Variants in TMEM169 observed in about 807,000 individuals in gnomAD.
TMEM169 encodes transmembrane protein 169.
TMEM169 carries 18 observed loss-of-function variants against 27.3 expected under a neutral mutation model. The ratio of observed to expected loss-of-function variants is 0.66; its 90% CI spans 0.46 to 0.98. TMEM169 has a LOEUF of 0.98. TMEM169 is among the 50% of genes least tolerant of loss of function. The pLI is 0.00. For synonymous variants in TMEM169, 136 were observed against 142.1 expected (o/e 0.96, Z 0.30); for missense variants, 320 against 368.6 (o/e 0.87, Z 1.08).
intron 1 of TMEM169, among the ~76,000 whole-genome samples, chr2:216,092,038 G>A (rs1035284038): frequency 6.6e-6 from 1 of 152,140 alleles, no homozygotes; most frequent in Non-Finnish European, 1.5e-5. Flanking sequence ...TGTGCCTGAA[G>A]CAAAAATAGC....
intron 1 of TMEM169, among the ~76,000 whole-genome samples, chr2:216,084,618 C>T (rs1426487205): frequency 6.6e-6 from 1 of 152,028 alleles, no homozygotes; most frequent in Non-Finnish European, 1.5e-5. Flanking sequence ...AGGAAACAAG[C>T]TGTTGTGATA....
At chr2:216,095,748 G>T in intron 1 of TMEM169, 90 bp from the exon 2 acceptor site, 1 of 501,146 alleles carries the variant, frequency 2.0e-6, no homozygotes, top group Non-Finnish European at 3.5e-6. Flanking sequence ...GGAGAGGAAG[G>T]CTTCTGCTAA....
chr2:216,093,125 A>AGTGTGTGTGTGT (rs60241289), intron 1 of TMEM169, among the ~76,000 whole-genome samples: 1,789 of 145,876 alleles, frequency 0.012, 39 homozygotes, highest in African/African-American at 0.043. Context: ...GTAATAATGA[A>AGTGTGTGTGTGT]GTGTGTGTGT....
At chr2:216,086,873 A>C (rs1201624289) in intron 1 of TMEM169, among the ~76,000 whole-genome samples, 1 of 152,272 alleles carries the variant, frequency 6.6e-6, no homozygotes, top group Non-Finnish European at 1.5e-5. Flanking sequence ...TGTATGGTTC[A>C]GATGGCAAAT....
chr2:216,096,325 T>C (rs1369068472), intron 2 of TMEM169, 91 bp downstream of exon 2: 1 of 1,403,812 alleles, frequency 7.1e-7, no homozygotes, highest in Non-Finnish European at 9.7e-7. Context: ...CACTGTCCTA[T>C]TTCTTCTTGG....
chr2:216,091,578 A>AAG (rs61019209), intron 1 of TMEM169, among the ~76,000 whole-genome samples: 7,013 of 112,802 alleles, frequency 0.062, 854 homozygotes, highest in East Asian at 0.45. Flanking sequence ...AAAAAAAAAA[A>AAG]AGAGAGAGAC....
In TMEM169 at chr2:216,081,919, A is replaced by C; in HGVS notation, c.-187A>C. 1 of 664,886 alleles carries C rather than the reference A, an allele frequency of 1.5e-6. No homozygotes were observed. The highest frequency in any genetic ancestry group is 2.5e-6 in the Non-Finnish European group (1 of 407,714). 41.2% of individuals were successfully genotyped at this position (664,886 alleles called of 1,614,324 possible). A position where few individuals can be genotyped will look rare whatever the true frequency, so the allele number is the denominator to read the frequency against. ...CGGCAAAGCCGCATCCTCCCGGAGC[A>C]GAACCGCTCCCCGCCGGCTGTCCGC... On this transcript the variant is annotated 5_prime_UTR_variant, in exon 1 of 3. Transcript: ENST00000437356.
In TMEM169 at chr2:216,095,837, G is replaced by T; in HGVS notation, c.-126-1G>T. ...GATGGCTTTGCTTTCCTATCTTTCA[G>T]GTGGAATGCATCCTTGGGACATCTT... On this transcript the variant is annotated splice_acceptor_variant, in intron 1 of 2. Transcript: ENST00000437356. LOFTEE classifies it low-confidence loss of function (5UTR_SPLICE). The T allele has an allele frequency of 8.8e-7, 1 of 1,131,090 alleles. No homozygotes were observed. The highest frequency in any genetic ancestry group is 1.7e-5 in the South Asian group (1 of 59,860). The allele number at this position is 1,131,090 out of a possible 1,614,324, so 70.1% of individuals were successfully genotyped here. A position where few individuals can be genotyped will look rare whatever the true frequency, so the allele number is the denominator to read the frequency against.
Position 216,100,505 on chromosome 2 carries a change from A to G in TMEM169, c.857A>G (p.Lys286Arg), listed in dbSNP as rs1262695875. ...AATATCTCAAGCACTCTCTCCAACA[A>G]GGACCCCATCCAAGAAGTAGAAACC... The part of the protein sequence containing the change: ...SDNISSTLSN[K>R]DPIQEVETST... The change falls in exon 3 of 3, where the codon AAG (lysine) becomes AGG (arginine). Residue 286 changes from lysine (K) to arginine (R), a missense_variant. Lys to Arg is a conservative substitution (Grantham distance 26, BLOSUM62 2). Transcript: ENST00000437356. 2.5e-6 allele frequency: 4 copies of G among 1,614,138 alleles called. No homozygotes were observed. The highest frequency in any genetic ancestry group is 2.2e-5 in the East Asian group (1 of 44,874).
chr2:216,100,287 C>T lies in TMEM169; in HGVS notation c.639C>T (p.Phe213=), dbSNP rs61732363. 0.014 allele frequency: 22,376 copies of T among 1,613,882 alleles called. 274 individuals carry two copies. The highest frequency in any genetic ancestry group is 0.044 in the South Asian group (3,973 of 91,072). The change falls in exon 3 of 3, where the codon TTC becomes TTT. Residue 213 remains phenylalanine, a synonymous_variant. Transcript: ENST00000437356. The part of the protein sequence containing the change: ...KISYCPCLVL[F]YPVLIMAMAS... ...CGTATTGCCCTTGCCTCGTTCTCTT[C>T]TATCCAGTGCTCATCATGGCCATGG...
At chr2:216,098,514 C>T (rs970219266) in intron 2 of TMEM169, among the ~76,000 whole-genome samples, 8 of 152,150 alleles carry the variant, frequency 5.3e-5, no homozygotes, top group African/African-American at 1.7e-4. Flanking sequence ...GGAGACTGCA[C>T]ATTCCTTTTC....
chr2:216,083,285 G>A (rs1466262952), intron 1 of TMEM169, among the ~76,000 whole-genome samples: 3 of 152,136 alleles, frequency 2.0e-5, no homozygotes, highest in Admixed American at 2.0e-4. Context: ...TTAAAACAAA[G>A]TAAATTCAAA....
chr2:216,088,916 A>G (rs1228627706), intron 1 of TMEM169, among the ~76,000 whole-genome samples: 2 of 152,196 alleles, frequency 1.3e-5, no homozygotes, highest in Non-Finnish European at 2.9e-5. Flanking sequence ...AAATAATTCA[A>G]TTAGAAAATA....
At chr2:216,096,270 G>A in intron 2 of TMEM169, 36 bp downstream of exon 2, 1 of 1,588,906 alleles carries the variant, frequency 6.3e-7, no homozygotes, top group Non-Finnish European at 8.6e-7. Flanking sequence ...AAAGCCATGG[G>A]AAGGAAACCA....
At chr2:216,093,125 AGTGTGTGTGTGTGTGTGT>A (rs60241289) in intron 1 of TMEM169, among the ~76,000 whole-genome samples, 5 of 145,910 alleles carry the variant, frequency 3.4e-5, no homozygotes, top group East Asian at 2.0e-4. Context: ...GTAATAATGA[AGTGTGTGTGTGTGTGTGT>A]GTGTGTGTGT....
In TMEM169 at chr2:216,101,084, CAGA is replaced by C. The variant is rs1182479103; in HGVS notation, c.*548_*550del. 5 of 169,358 alleles carry C rather than the reference CAGA, an allele frequency of 3.0e-5. No individual in the cohort carries two copies. Among genetic ancestry groups the C allele is most frequent in the Admixed American group, 1.6e-4 (3 of 18,544 alleles). The allele number at this position is 169,358 out of a possible 1,614,324, so 10.5% of individuals were successfully genotyped here. A position where few individuals can be genotyped will look rare whatever the true frequency, so the allele number is the denominator to read the frequency against. On this transcript the variant is annotated 3_prime_UTR_variant, in exon 3 of 3. Coordinates refer to ENST00000437356, the MANE Select transcript of TMEM169 (RefSeq NM_001142311.2). ...GATAGAAGTGTATTTCTTTCTTGTGCAGAAGAAGTCTGGAGGCAGACCATCCTG... is the reference window on the plus strand; with the variant it reads ...GATAGAAGTGTATTTCTTTCTTGTGCAGAAGTCTGGAGGCAGACCATCCTG...
At chr2:216,085,304 G>A (rs541192020) in intron 1 of TMEM169, among the ~76,000 whole-genome samples, 5 of 152,130 alleles carry the variant, frequency 3.3e-5, no homozygotes, top group South Asian at 4.1e-4. Flanking sequence ...TCATCTACTC[G>A]GTAGGAGAAT....
At chr2:216,093,067 T>C (rs1696172317) in intron 1 of TMEM169, among the ~76,000 whole-genome samples, 2 of 151,996 alleles carry the variant, frequency 1.3e-5, no homozygotes, top group African/African-American at 4.8e-5. Flanking sequence ...TACATATGTA[T>C]AAGTACATAT....
intron 1 of TMEM169, 92 bp from the exon 2 acceptor site, chr2:216,095,746 A>G: frequency 4.0e-6 from 2 of 500,340 alleles, no homozygotes; most frequent in East Asian, 3.1e-5. Flanking sequence ...AGGGAGAGGA[A>G]GGCTTCTGCT....
Sources: allele counts gnomAD v4.1 joint callset (sites outside exome capture counted in the v4.1 genomes callset), GRCh38; gene constraint gnomAD v4.1.1; transcripts MANE v1.5; gene names NCBI Gene and HGNC (gene_info 2026-07-23, HGNC 2026-07-21).